PCSK2: variants seen among roughly 807,000 people sequenced by gnomAD.
PCSK2 encodes the protein proprotein convertase subtilisin/kexin type 2.
Under a neutral mutation model 69.7 loss-of-function variants are expected in PCSK2, and 14 were observed. That is an observed-to-expected ratio of 0.20 (90% CI 0.13 to 0.31). The LOEUF (loss-of-function observed/expected upper bound fraction) is 0.31. Ranked by LOEUF, PCSK2 falls within the 10% of genes least tolerant of loss-of-function variation. PCSK2 has a pLI of 1.00. For missense variants in PCSK2, 544 were observed against 842.5 expected (o/e 0.65, Z 4.39); for synonymous variants, 307 against 320.7 (o/e 0.96, Z 0.46).
chr20:17,226,704 C>T (rs1033163446), upstream of PCSK2, among the ~76,000 whole-genome samples: 13 of 151,862 alleles, frequency 8.6e-5, no homozygotes. Flanking sequence ...CCGCCGCTGG[C>T]CTGATTACAG....
At chr20:17,452,476 C>T (rs556807551) in intron 8 of PCSK2, among the ~76,000 whole-genome samples, 31 of 152,244 alleles carry the variant, frequency 2.0e-4, no homozygotes, top group Non-Finnish European at 2.5e-4. Context: ...GCAGAGAGCA[C>T]TTGGAGGTAA....
At chr20:17,426,301 C>G (rs917697120) in intron 6 of PCSK2, among the ~76,000 whole-genome samples, 3 of 152,156 alleles carry the variant, frequency 2.0e-5, no homozygotes, top group African/African-American at 7.2e-5. Context: ...TGAAGAGGTG[C>G]CTTCCACCAT....
rs138168808 is a variant in PCSK2 at position 17,271,892 on chromosome 20, A to G, written c.282+11548A>G. Reference sequence around the variant, plus strand: ...ACCATTTTGCAGTCCCTACTCTACAACACCCCAGGACAGGATGAAACCTGA... The same window carrying G: ...ACCATTTTGCAGTCCCTACTCTACAGCACCCCAGGACAGGATGAAACCTGA... On this transcript the variant is annotated intron_variant, in intron 2 of 11. Coordinates refer to ENST00000262545, the MANE Select transcript of PCSK2 (RefSeq NM_002594.5). Among the ~76,000 whole-genome samples, 855 of 152,210 alleles carry G rather than the reference A, an allele frequency of 5.6e-3. 7 individuals carry two copies. Among genetic ancestry groups the G allele is most frequent in the African/African-American group, 0.02 (817 of 41,548 alleles).
Position 17,227,205 on chromosome 20 carries a change from A to T in PCSK2, c.-101A>T, listed in dbSNP as rs993899061. On this transcript the variant is annotated 5_prime_UTR_variant, in exon 1 of 12. Coordinates refer to ENST00000262545, the MANE Select transcript of PCSK2 (RefSeq NM_002594.5). ...TCTTTCTCTATACAAAGATTTTTTT[A>T]AAAACTATATATAAGAATTCTTTAT... 1.4e-5 allele frequency: 11 copies of T among 769,660 alleles called. No individual in the cohort carries two copies. The highest frequency in any genetic ancestry group is 3.9e-4 in the Middle Eastern group (1 of 2,540). 47.7% of individuals were successfully genotyped at this position (769,660 alleles called of 1,614,324 possible).
intron 5 of PCSK2, among the ~76,000 whole-genome samples, chr20:17,383,512 T>C (rs2031146760): frequency 6.6e-6 from 1 of 152,258 alleles, no homozygotes; most frequent in African/African-American, 2.4e-5. Flanking sequence ...ATTCCCTTGA[T>C]GCTTTTAATT....
At chr20:17,479,334 T>A (rs1301740785) in intron 11 of PCSK2, 1 of 771,748 alleles carries the variant, frequency 1.3e-6, no homozygotes, top group South Asian at 1.4e-5. Flanking sequence ...ATTATAATCT[T>A]CACCACCTAA....
chr20:17,454,003 C>T (rs751104240), intron 9 of PCSK2, 46 bp downstream of exon 9: 94 of 1,608,464 alleles, frequency 5.8e-5, no homozygotes, highest in Non-Finnish European at 7.5e-5. Context: ...GCCACTGCAC[C>T]TCTGTGTCAG....
intron 2 of PCSK2, among the ~76,000 whole-genome samples, chr20:17,349,435 T>C (rs74588700): frequency 0.19 from 28,164 of 152,144 alleles, 2,867 homozygotes; most frequent in Non-Finnish European, 0.24. Context: ...TCTAACACCT[T>C]GTGAGAGGAA....
intron 7 of PCSK2, among the ~76,000 whole-genome samples, chr20:17,430,727 T>A (rs1304350974): frequency 6.6e-6 from 1 of 152,172 alleles, no homozygotes; most frequent in African/African-American, 2.4e-5. Context: ...GGTTAATATT[T>A]TATAAGCCAG....
chr20:17,329,660 G>T (rs1219323440), intron 2 of PCSK2, among the ~76,000 whole-genome samples: 1 of 152,180 alleles, frequency 6.6e-6, no homozygotes, highest in Non-Finnish European at 1.5e-5. Context: ...AATTACATAT[G>T]CAGGATTGTT....
Position 17,421,465 on chromosome 20 carries a change from G to A in PCSK2, c.621-7970G>A, listed in dbSNP as rs981519508. 1.7e-4 allele frequency among the ~76,000 whole-genome samples: 26 copies of A among 152,220 alleles called. No homozygotes were observed. In the Middle Eastern group the frequency reaches 0.01, roughly 60 times the overall value. ...ACATTAGCCAGCAAACGTGGTCGAC[G>A]CCAAACTAGCCAGGAAGTCTCTGCA... On this transcript the variant is annotated intron_variant, in intron 6 of 11. Coordinates refer to ENST00000262545, the MANE Select transcript of PCSK2 (RefSeq NM_002594.5).
At chr20:17,350,479 A>T (rs544809493) in intron 2 of PCSK2, among the ~76,000 whole-genome samples, 1 of 151,968 alleles carries the variant, frequency 6.6e-6, no homozygotes, top group South Asian at 2.1e-4. Context: ...CAGCACAGTC[A>T]ATGCTAATTA....
chr20:17,446,524 C>G (rs1423352519), intron 8 of PCSK2, among the ~76,000 whole-genome samples: 1 of 152,062 alleles, frequency 6.6e-6, no homozygotes, highest in Admixed American at 6.6e-5. Flanking sequence ...GGGCTCAGAC[C>G]GTGGACAGTT....
intron 2 of PCSK2, among the ~76,000 whole-genome samples, chr20:17,307,054 C>T (rs1216446066): frequency 6.6e-6 from 1 of 152,144 alleles, no homozygotes; most frequent in African/African-American, 2.4e-5. Context: ...ATAAGAATGT[C>T]AACCATGTTA....
At position 17,360,525 on chromosome 20, in the gene PCSK2, G is replaced by GTA; in HGVS notation, c.397-6_397-5dup. ...TACCATTCTCTGCTTTGAAATTCCT[G>GTA]TACCAGATCAATACTGGGCAAGCTG... On this transcript the variant is annotated splice_region_variant and splice_polypyrimidine_tract_variant and intron_variant, in intron 3 of 11. Coordinates refer to ENST00000262545, the MANE Select transcript of PCSK2 (RefSeq NM_002594.5). 1 of 1,577,670 alleles carries GTA rather than the reference G, an allele frequency of 6.3e-7. No individual in the cohort carries two copies. Among genetic ancestry groups the GTA allele is most frequent in the African/African-American group, 1.3e-5 (1 of 74,324 alleles).
chr20:17,292,452 T>C (rs1988730037), intron 2 of PCSK2, among the ~76,000 whole-genome samples: 2 of 152,232 alleles, frequency 1.3e-5, no homozygotes, highest in Non-Finnish European at 2.9e-5. Flanking sequence ...TTGGAATTTA[T>C]TTTTGTGTAT....
At position 17,429,548 on chromosome 20, in the gene PCSK2, G is replaced by GC. The variant is rs760196238; in HGVS notation, c.709+30dup. 2.2e-5 allele frequency: 33 copies of GC among 1,470,856 alleles called. No homozygotes were observed. The African/African-American group carries it at 4.3e-4, about 19-fold the overall frequency. 91.1% of individuals were successfully genotyped at this position (1,470,856 alleles called of 1,614,324 possible). A position where few individuals can be genotyped will look rare whatever the true frequency, so the allele number is the denominator to read the frequency against. On this transcript the variant is annotated intron_variant, in intron 7 of 11. Coordinates refer to ENST00000262545, the MANE Select transcript of PCSK2 (RefSeq NM_002594.5). Reference sequence around the variant, plus strand: ...GGTAAGCCATCCCTGCCAAACAGAGGCCCCCACTAGGTATCACACTGATCT... The same window carrying GC: ...GGTAAGCCATCCCTGCCAAACAGAGGCCCCCCACTAGGTATCACACTGATCT...
chr20:17,386,271 A>T (rs2031230583), intron 5 of PCSK2, among the ~76,000 whole-genome samples: 1 of 152,366 alleles, frequency 6.6e-6, no homozygotes, highest in South Asian at 2.1e-4. Flanking sequence ...AATAAATATT[A>T]AAAGTTAAAA....
intron 5 of PCSK2, among the ~76,000 whole-genome samples, chr20:17,370,956 G>A (rs2030741323): frequency 6.6e-6 from 1 of 152,090 alleles, no homozygotes; most frequent in Admixed American, 6.6e-5. Context: ...CTCCCTCCGA[G>A]GGCTGTCCCC....
Sources: allele counts gnomAD v4.1 joint callset (sites outside exome capture counted in the v4.1 genomes callset), GRCh38; gene constraint gnomAD v4.1.1; transcripts MANE v1.5; gene names NCBI Gene and HGNC (gene_info 2026-07-23, HGNC 2026-07-21).